Variants in SLC36A1 observed in about 807,000 individuals in gnomAD.
SLC36A1 encodes the protein proton-coupled amino acid transporter 1.
A neutral mutation model predicts 47.5 loss-of-function variants in SLC36A1; 30 were observed. That is an observed-to-expected ratio of 0.63 (90% confidence interval 0.47 to 0.86). SLC36A1 has a LOEUF of 0.86. Among genes scored for constraint, SLC36A1 ranks in the 40% least tolerant of loss-of-function variants. The pLI, the probability that SLC36A1 is intolerant of heterozygous loss-of-function variation, is 0.00. For synonymous variants in SLC36A1, 255 were observed against 249.7 expected, an observed-to-expected ratio of 1.02 and a Z score of -0.20; for missense variants, 517 against 606.0, an observed-to-expected ratio of 0.85 and a Z score of 1.54.
At chr5:151,432,903 A>T (rs1416578092), upstream of SLC36A1, among the ~76,000 whole-genome samples, 1 of 152,100 alleles carries the variant, frequency 6.6e-6, no homozygotes, top group African/African-American at 2.4e-5. Flanking sequence ...TCACTTCTAC[A>T]TATAGAATAC....
chr5:151,483,518 G>GGA (rs1759106734), intron 10 of SLC36A1, among the ~76,000 whole-genome samples: 3 of 138,056 alleles, frequency 2.2e-5, no homozygotes, highest in Admixed American at 6.9e-5. Context: ...TTGTGTGTGT[G>GGA]GGGGGGGTGA....
intron 4 of SLC36A1, 105 bp from the exon 5 acceptor site, chr5:151,464,969 G>A: frequency 1.2e-6 from 1 of 867,942 alleles, no homozygotes; most frequent in Non-Finnish European, 1.9e-6. Context: ...TACCTCCAGG[G>A]TGAAAGATGG....
At chr5:151,529,239 G>C in the SLC36A1 span, 1 of 1,614,114 alleles carries the variant, frequency 6.2e-7, no homozygotes, top group Non-Finnish European at 8.5e-7. Context: ...TGGATCTTGG[G>C]GGAATTGGGG....
At chr5:151,494,704 T>C (rs1299034272), downstream of SLC36A1, among the ~76,000 whole-genome samples, 1 of 152,256 alleles carries the variant, frequency 6.6e-6, no homozygotes, top group African/African-American at 2.4e-5. Context: ...ATTCATTAGT[T>C]GATAGTCTTT....
chr5:151,372,523 G>A, the SLC36A1 span, among the ~76,000 whole-genome samples: 4 of 151,804 alleles, frequency 2.6e-5, no homozygotes, highest in East Asian at 1.9e-4. Flanking sequence ...AATGCACTGC[G>A]TCCTGGAACT....
At chr5:151,460,677 A>G (rs75799310) in intron 2 of SLC36A1, among the ~76,000 whole-genome samples, 10,019 of 151,912 alleles carry the variant, frequency 0.066, 1,031 homozygotes, top group African/African-American at 0.23. Flanking sequence ...CCACGCAAGG[A>G]TTTATATAGA....
the SLC36A1 span, chr5:151,507,705 CA>C: frequency 8.7e-7 from 1 of 1,150,958 alleles, no homozygotes; most frequent in Non-Finnish European, 1.2e-6. Flanking sequence ...CTGCTCCCCC[CA>C]AAACCTACCA....
chr5:151,414,675 T>A, the SLC36A1 span: 1 of 152,084 alleles, frequency 6.6e-6, no homozygotes, highest in East Asian at 1.9e-4. Context: ...CTGCTTGAGT[T>A]CTCTGCCCTA....
At chr5:151,370,690 A>G in the SLC36A1 span, among the ~76,000 whole-genome samples, 15 of 152,124 alleles carry the variant, frequency 9.9e-5, no homozygotes, top group Non-Finnish European at 2.1e-4. Flanking sequence ...TGTGACCACT[A>G]TCTGATTTAA....
the SLC36A1 span, among the ~76,000 whole-genome samples, chr5:151,384,247 C>G: frequency 6.6e-6 from 1 of 152,196 alleles, no homozygotes; most frequent in East Asian, 1.9e-4. Context: ...CCTCTCCTTT[C>G]CGGGTGTTGG....
chr5:151,529,530 C>T, the SLC36A1 span: 163 of 659,768 alleles, frequency 2.5e-4, no homozygotes, highest in Middle Eastern at 3.3e-3. Flanking sequence ...TCTCCCCATC[C>T]ATCTCCCTTT....
intron 2 of SLC36A1, among the ~76,000 whole-genome samples, chr5:151,460,788 G>C (rs917495675): frequency 6.7e-6 from 1 of 150,180 alleles, no homozygotes; most frequent in Non-Finnish European, 1.5e-5. Flanking sequence ...AAGTTTTTGA[G>C]CTGGGTTCCT....
chr5:151,522,873 G>A, the SLC36A1 span, among the ~76,000 whole-genome samples: 1 of 152,196 alleles, frequency 6.6e-6, no homozygotes, highest in African/African-American at 2.4e-5. Context: ...GCTGGCACGC[G>A]CAGGGTTGCA....
the SLC36A1 span, chr5:151,528,198 G>T: frequency 2.5e-6 from 4 of 1,579,772 alleles, no homozygotes; most frequent in Non-Finnish European, 3.5e-6. Context: ...AGTACAGGGG[G>T]AAACAGATAT....
the SLC36A1 span, among the ~76,000 whole-genome samples, chr5:151,421,231 T>C: frequency 2.1e-5 from 3 of 143,440 alleles, no homozygotes; most frequent in Non-Finnish European, 4.5e-5. Context: ...CTTTCTTTCC[T>C]TCTTTTTCTT....
chr5:151,502,183 G>T, the SLC36A1 span, among the ~76,000 whole-genome samples: 1 of 147,532 alleles, frequency 6.8e-6, no homozygotes, highest in South Asian at 2.1e-4. Context: ...GTGGTGGTGG[G>T]CACCTGTAAT....
the SLC36A1 span, among the ~76,000 whole-genome samples, chr5:151,403,312 G>T: frequency 1.3e-5 from 2 of 152,110 alleles, no homozygotes; most frequent in African/African-American, 4.8e-5. Flanking sequence ...ATGTTCAATT[G>T]TCATCCCCCC....
At chr5:151,487,870 C>T in intron 10 of SLC36A1, 113 bp from the exon 11 acceptor site, 1 of 1,294,618 alleles carries the variant, frequency 7.7e-7, no homozygotes, top group Non-Finnish European at 1.1e-6. Flanking sequence ...TCTAAGTTTT[C>T]TTAGAGCTCT....
At chr5:151,390,728 A>G in the SLC36A1 span, among the ~76,000 whole-genome samples, 1 of 152,142 alleles carries the variant, frequency 6.6e-6, no homozygotes, top group Admixed American at 6.6e-5. Flanking sequence ...GATGTGTGGT[A>G]TTATTACTCA....
Sources: gnomAD v4.1 joint callset for allele counts (sites outside exome capture counted in the v4.1 genomes callset) on GRCh38, gnomAD v4.1.1 for gene constraint, MANE v1.5 for transcripts, NCBI Gene and HGNC (gene_info 2026-07-23, HGNC 2026-07-21) for gene names.